S100A11: variants seen among roughly 807,000 people sequenced by gnomAD.
The protein encoded by S100A11 is S100 calcium binding protein A11, also known as protein S100-A11.
S100A11 carries 5 observed loss-of-function variants against 7.4 expected under a neutral mutation model. That is an observed-to-expected ratio of 0.68 (90% CI 0.35 to 1.42). S100A11 has a LOEUF of 1.42. Ranked by LOEUF, S100A11 falls within the 40% of genes most tolerant of loss-of-function variation. The pLI is 0.04. For synonymous variants in S100A11, 47 were observed against 46.6 expected (o/e 1.01, Z -0.04); for missense variants, 96 against 125.0 (o/e 0.77, Z 1.11).
At chr1:152,035,072 G>A (rs879703064) in intron 1 of S100A11, among the ~76,000 whole-genome samples, 14 of 152,124 alleles carry the variant, frequency 9.2e-5, no homozygotes, top group African/African-American at 1.4e-4. Context: ...TAAGAGAGGT[G>A]GACTTTTTCC....
Position 152,036,921 on chromosome 1 carries a change from A to C in S100A11, c.-6T>G, listed in dbSNP as rs6702172. On this transcript the variant is annotated 5_prime_UTR_variant, in exon 1 of 3. Coordinates refer to ENST00000271638, the MANE Select transcript of S100A11 (RefSeq NM_005620.2). ...AGAAAAGTGAGGCTTACCATGTTGGAGCTGAGCGAGGCGCGGGAGGCTGTG... is the reference window on the plus strand; with the variant it reads ...AGAAAAGTGAGGCTTACCATGTTGGCGCTGAGCGAGGCGCGGGAGGCTGTG... 3.7e-3 allele frequency: 6,040 copies of C among 1,613,312 alleles called. 213 individuals are homozygous for C. The African/African-American group carries it at 0.073, about 19-fold the overall frequency.
In S100A11 at chr1:152,036,906, G is replaced by A; in HGVS notation, c.3+7C>T. ...GTAAGAAGAAGAAGAAGAAAAGTGA[G>A]GCTTACCATGTTGGAGCTGAGCGAG... On this transcript the variant is annotated splice_region_variant and intron_variant, in intron 1 of 2. Transcript: ENST00000271638. The A allele has an allele frequency of 6.2e-7, 1 of 1,611,142 alleles. No individual in the cohort carries two copies. Among genetic ancestry groups the A allele is most frequent in the South Asian group, 1.1e-5 (1 of 90,990 alleles).
chr1:152,034,184 A>G (rs1572129465), intron 1 of S100A11, among the ~76,000 whole-genome samples: 1 of 152,328 alleles, frequency 6.6e-6, no homozygotes, highest in East Asian at 1.9e-4. Flanking sequence ...ATAGGTTAAT[A>G]ATTTCTTATT....
At chr1:152,034,585 T>A (rs1292747461) in intron 1 of S100A11, among the ~76,000 whole-genome samples, 2 of 152,234 alleles carry the variant, frequency 1.3e-5, no homozygotes, top group Admixed American at 1.3e-4. Flanking sequence ...TTACACAGCA[T>A]CTACAATGTA....
chr1:152,036,949 T>C lies in S100A11; in HGVS notation c.-34A>G, dbSNP rs764018302. The C allele has an allele frequency of 1.2e-6, 2 of 1,613,172 alleles. No individual in the cohort carries two copies. The highest frequency in any genetic ancestry group is 2.2e-5 in the South Asian group (2 of 91,016). On this transcript the variant is annotated 5_prime_UTR_variant, in exon 1 of 3. Transcript: ENST00000271638. ...TGAGCGAGGCGCGGGAGGCTGTGGC[T>C]GGGAGCGGCGCTGAGAGCTCTGTGC... is the stretch of plus-strand genomic sequence containing the variant.
chr1:152,036,883 A>T (rs778287389), intron 1 of S100A11, 30 bp downstream of exon 1: 2 of 1,364,054 alleles, frequency 1.5e-6, no homozygotes, highest in Non-Finnish European at 2.0e-6. Context: ...CTTTTCATGT[A>T]AGAAGAAGAA....
chr1:152,036,765 A>G (rs1656842216), intron 1 of S100A11, 148 bp downstream of exon 1: 1 of 715,690 alleles, frequency 1.4e-6, no homozygotes, highest in South Asian at 1.7e-5. Flanking sequence ...CTTCTTCCCC[A>G]GTTCCCTCCC....
chr1:152,032,942 C>T, intron 2 of S100A11, 119 bp from the exon 3 acceptor site: 2 of 814,906 alleles, frequency 2.5e-6, no homozygotes, highest in Non-Finnish European at 3.8e-6. Flanking sequence ...TTAATATTCC[C>T]ATTTGCCAGA....
At position 152,036,972 on chromosome 1, in the gene S100A11, T is replaced by TGC; in HGVS notation, c.-59_-58dup. ...GCTGGGAGCGGCGCTGAGAGCTCTGTGCGCGCGGCGTGCGGGTCTGGAGCC... is the reference window on the plus strand; with the variant it reads ...GCTGGGAGCGGCGCTGAGAGCTCTGTGCGCGCGCGGCGTGCGGGTCTGGAGCC... On this transcript the variant is annotated 5_prime_UTR_variant, in exon 1 of 3. Transcript: ENST00000271638. 6.2e-7 allele frequency: 1 copy of TGC among 1,611,218 alleles called. No individual in the cohort carries two copies. Among genetic ancestry groups the TGC allele is most frequent in the Admixed American group, 1.7e-5 (1 of 59,852 alleles).
At position 152,033,223 on chromosome 1, in the gene S100A11, C is replaced by T. The variant is rs903071679; in HGVS notation, c.157-400G>A. 2.0e-5 allele frequency among the ~76,000 whole-genome samples: 3 copies of T among 152,260 alleles called. No homozygotes were observed. Reference sequence around the variant, plus strand: ...CTTGCCCAAGCTGCCAACACAGATACAGACTTAGAGCCACTGGTTACAAAT... The same window carrying T: ...CTTGCCCAAGCTGCCAACACAGATATAGACTTAGAGCCACTGGTTACAAAT... On this transcript the variant is annotated intron_variant, in intron 2 of 2. Coordinates refer to ENST00000271638, the MANE Select transcript of S100A11 (RefSeq NM_005620.2). The surrounding 1 kb of genome is among the most constrained non-coding windows in gnomAD (Gnocchi z 4.0).
Position 152,033,152 on chromosome 1 carries a change from A to T in S100A11, c.157-329T>A, listed in dbSNP as rs1367400085. ...AACTATATAAAAGTACAGCGGGTTC[A>T]GGTGGAAAAAGGCCACAGGCCCTGC... On this transcript the variant is annotated intron_variant, in intron 2 of 2. Coordinates refer to ENST00000271638, the MANE Select transcript of S100A11 (RefSeq NM_005620.2). The surrounding 1 kb of genome is among the most constrained non-coding windows in gnomAD (Gnocchi z 4.0). Among the ~76,000 whole-genome samples the T allele has an allele frequency of 6.6e-6, 1 of 152,268 alleles. No homozygotes were observed. The highest frequency in any genetic ancestry group is 1.5e-5 in the Non-Finnish European group (1 of 68,040).
chr1:152,036,569 C>T (rs1324225437), intron 1 of S100A11, among the ~76,000 whole-genome samples: 1 of 152,064 alleles, frequency 6.6e-6, no homozygotes, highest in African/African-American at 2.4e-5. Flanking sequence ...CTCTGGGCTC[C>T]CGGGAGACCG....
intron 2 of S100A11, 38 bp from the exon 3 acceptor site, chr1:152,032,861 C>T: frequency 6.8e-7 from 1 of 1,471,958 alleles, no homozygotes; most frequent in Non-Finnish European, 9.5e-7. Context: ...TATATCGCAT[C>T]TTCTAATGTG....
At chr1:152,032,882 T>C (rs2101464611) in intron 2 of S100A11, 59 bp from the exon 3 acceptor site, 1 of 1,269,916 alleles carries the variant, frequency 7.9e-7, no homozygotes, top group Admixed American at 1.7e-5. Context: ...CTTTCAAATA[T>C]GCTGCCACAT....
At chr1:152,035,173 TA>T (rs1656809093) in intron 1 of S100A11, among the ~76,000 whole-genome samples, 2 of 152,210 alleles carry the variant, frequency 1.3e-5, no homozygotes, top group African/African-American at 2.4e-5. Flanking sequence ...CAGGGGCCTT[TA>T]GGGGAGAAAC....
In S100A11 at chr1:152,033,504, G is replaced by A; in HGVS notation, c.156+144C>T. 2.7e-6 allele frequency: 2 copies of A among 731,190 alleles called. No homozygotes were observed. The highest frequency in any genetic ancestry group is 4.7e-6 in the Non-Finnish European group (2 of 423,990). 45.3% of individuals were successfully genotyped at this position (731,190 alleles called of 1,614,324 possible). ...ATTTCATATATCTCTCTTCCTAAATGGAAAAACTCCTGGCTTAGAGTGAGT... is the reference window on the plus strand; with the variant it reads ...ATTTCATATATCTCTCTTCCTAAATAGAAAAACTCCTGGCTTAGAGTGAGT... On this transcript the variant is annotated intron_variant, in intron 2 of 2. Transcript: ENST00000271638. This position sits in a 1 kb window ranked among gnomAD's most constrained non-coding sequence, Gnocchi z 4.0.
rs548327513 is a variant in S100A11, at chr1:152,033,490, C to T, written c.156+158G>A. On this transcript the variant is annotated intron_variant, in intron 2 of 2. Coordinates refer to ENST00000271638, the MANE Select transcript of S100A11 (RefSeq NM_005620.2). This position sits in a 1 kb window ranked among gnomAD's most constrained non-coding sequence, Gnocchi z 4.0. ...TTACGTCATATACCATTTCATATAT[C>T]TCTCTTCCTAAATGGAAAAACTCCT... Among the ~76,000 whole-genome samples the T allele has an allele frequency of 2.6e-5, 4 of 152,188 alleles. No homozygotes were observed. The highest frequency in any genetic ancestry group is 5.9e-5 in the Non-Finnish European group (4 of 68,032).
At position 152,032,652 on chromosome 1, in the gene S100A11, C is replaced by A; in HGVS notation, c.*10G>T. On this transcript the variant is annotated 3_prime_UTR_variant, in exon 3 of 3. Coordinates refer to ENST00000271638, the MANE Select transcript of S100A11 (RefSeq NM_005620.2). ...AGGGGGTGGGTTTGAAGGCCAGGGCCAAGGGGTCCTCAGGTCCGCTTCTGG... is the reference window on the plus strand; with the variant it reads ...AGGGGGTGGGTTTGAAGGCCAGGGCAAAGGGGTCCTCAGGTCCGCTTCTGG... 6.2e-7 allele frequency: 1 copy of A among 1,603,866 alleles called. No homozygotes were observed. The highest frequency in any genetic ancestry group is 8.5e-7 in the Non-Finnish European group (1 of 1,172,254).
In S100A11 at chr1:152,033,006, C is replaced by G. The variant is rs2999550; in HGVS notation, c.157-183G>C. On this transcript the variant is annotated intron_variant, in intron 2 of 2. Coordinates refer to ENST00000271638, the MANE Select transcript of S100A11 (RefSeq NM_005620.2). The surrounding 1 kb of genome is among the most constrained non-coding windows in gnomAD (Gnocchi z 4.0). Reference sequence around the variant, plus strand: ...GACCTGCCTAAGGGGCAGACCTGGGCCTTGAACCAAAGGTTTTCCCACTCC... The same window carrying G: ...GACCTGCCTAAGGGGCAGACCTGGGGCTTGAACCAAAGGTTTTCCCACTCC... Among the ~76,000 whole-genome samples, 58,478 of 152,108 alleles carry G rather than the reference C, an allele frequency of 0.38. 14,490 individuals are homozygous for G. Among genetic ancestry groups the G allele is most frequent in the African/African-American group, 0.71 (29,282 of 41,454 alleles).
Sources: gnomAD v4.1 joint callset for allele counts (sites outside exome capture counted in the v4.1 genomes callset) on GRCh38, gnomAD v4.1.1 for gene constraint, Gnocchi (gnomAD v3.1) non-coding constraint, MANE v1.5 for transcripts, NCBI Gene and HGNC (gene_info 2026-07-23, HGNC 2026-07-21) for gene names.